The following TMEM178B variants were observed in gnomAD, a reference collection of about 807,000 sequenced individuals.
TMEM178B encodes transmembrane protein 178B.
Under a neutral mutation model 31.0 loss-of-function variants are expected in TMEM178B, and 5 were observed. The observed-to-expected ratio is 0.16, with a 90% CI of 0.08 to 0.34. The LOEUF is 0.34. Ranked by LOEUF, TMEM178B falls within the 10% of genes least tolerant of loss-of-function variation. The pLI is 1.00. For missense variants in TMEM178B, 275 were observed against 400.3 expected, an observed-to-expected ratio of 0.69 and a Z score of 2.67; for synonymous variants, 164 against 164.0, an observed-to-expected ratio of 1.00 and a Z score of 0.00.
intron 1 of TMEM178B, among the ~76,000 whole-genome samples, chr7:141,199,052 G>A (rs113887026): frequency 0.052 from 7,908 of 152,226 alleles, 639 homozygotes; most frequent in African/African-American, 0.17. Flanking sequence ...GGAAAAAGCA[G>A]CCAAAAACAC....
intron 2 of TMEM178B, among the ~76,000 whole-genome samples, chr7:141,348,958 G>A (rs561966455): frequency 1.1e-4 from 17 of 152,136 alleles, no homozygotes; most frequent in Non-Finnish European, 2.1e-4. Context: ...GCAGGGTATC[G>A]CTGATTGACA....
intron 2 of TMEM178B, among the ~76,000 whole-genome samples, chr7:141,426,374 C>T (rs1801316191): frequency 1.3e-5 from 2 of 152,156 alleles, no homozygotes; most frequent in Non-Finnish European, 2.9e-5. Flanking sequence ...GAGAGGGAGA[C>T]ATAAATAATT....
At chr7:141,259,652 C>T (rs747106676) in intron 2 of TMEM178B, among the ~76,000 whole-genome samples, 16 of 152,138 alleles carry the variant, frequency 1.1e-4, no homozygotes, top group African/African-American at 2.4e-4. Context: ...CCCGACAATA[C>T]GTAGCTACTA....
intron 2 of TMEM178B, among the ~76,000 whole-genome samples, chr7:141,309,216 T>C (rs941270635): frequency 2.6e-5 from 4 of 152,222 alleles, no homozygotes; most frequent in African/African-American, 9.6e-5. Flanking sequence ...CTCAAAGCTT[T>C]GTATGGTGTA....
chr7:141,402,347 C>T (rs1162202826), intron 2 of TMEM178B, among the ~76,000 whole-genome samples: 1 of 152,178 alleles, frequency 6.6e-6, no homozygotes, highest in Non-Finnish European at 1.5e-5. Flanking sequence ...TGGGTGTAGG[C>T]CCCCTTTGTG....
chr7:141,191,528 C>T (rs546741451), intron 1 of TMEM178B, among the ~76,000 whole-genome samples: 2 of 152,230 alleles, frequency 1.3e-5, no homozygotes, highest in African/African-American at 2.4e-5. Context: ...ACCTTGCTTC[C>T]GGGCCTTGGC....
At chr7:141,336,651 TATA>T (rs1164528822) in intron 2 of TMEM178B, among the ~76,000 whole-genome samples, 5 of 151,846 alleles carry the variant, frequency 3.3e-5, no homozygotes, top group Non-Finnish European at 5.9e-5. Context: ...TCAAAAATAA[TATA>T]ATTATATAAA....
intron 1 of TMEM178B, among the ~76,000 whole-genome samples, chr7:141,143,456 C>A (rs192781709): frequency 2.6e-5 from 4 of 152,314 alleles, no homozygotes; most frequent in African/African-American, 9.6e-5. Context: ...TATCCCAGCA[C>A]CACTTATTGA....
intron 2 of TMEM178B, among the ~76,000 whole-genome samples, chr7:141,295,201 G>A (rs572298309): frequency 1.3e-5 from 2 of 152,196 alleles, no homozygotes. Flanking sequence ...GGTGAAGAAG[G>A]TATCCAGATT....
chr7:141,186,630 A>G (rs1796613555), intron 1 of TMEM178B, among the ~76,000 whole-genome samples: 1 of 152,170 alleles, frequency 6.6e-6, no homozygotes, highest in African/African-American at 2.4e-5. Context: ...CACTTGAGAG[A>G]GGATTTGATC....
At position 141,461,234 on chromosome 7, in the gene TMEM178B, A is replaced by C. The variant is rs979021384; in HGVS notation, c.635-9302A>C. Among the ~76,000 whole-genome samples the C allele has an allele frequency of 7.6e-4, 115 of 152,296 alleles. No individual in the cohort carries two copies. The highest frequency in any genetic ancestry group is 2.7e-3 in the African/African-American group (113 of 41,566). ...GCTTCTTCTCTGACCTCCCTGATAC[A>C]CAGCCACGTGGGTGTTTCTGCAGAG... On this transcript the variant is annotated intron_variant, in intron 3 of 3. Transcript: ENST00000565468. The surrounding 1 kb of genome is among the most constrained non-coding windows in gnomAD (Gnocchi z 4.0).
intron 1 of TMEM178B, among the ~76,000 whole-genome samples, chr7:141,144,201 C>G (rs1351669542): frequency 6.6e-6 from 1 of 152,080 alleles, no homozygotes; most frequent in Non-Finnish European, 1.5e-5. Context: ...ATTTGGATGC[C>G]TTTTATTTCT....
chr7:141,457,272 A>G (rs1223956865), intron 3 of TMEM178B, among the ~76,000 whole-genome samples: 1 of 152,236 alleles, frequency 6.6e-6, no homozygotes, highest in African/African-American at 2.4e-5. Context: ...ACATGCTTTG[A>G]GACCTTCAGC....
chr7:141,418,347 A>G (rs991801971), intron 2 of TMEM178B, among the ~76,000 whole-genome samples: 1 of 152,112 alleles, frequency 6.6e-6, no homozygotes, highest in Non-Finnish European at 1.5e-5. Flanking sequence ...AGAGCCCTTG[A>G]CAAGGTCACA....
intron 2 of TMEM178B, among the ~76,000 whole-genome samples, chr7:141,419,760 C>G (rs1801169103): frequency 6.6e-6 from 1 of 152,168 alleles, no homozygotes; most frequent in African/African-American, 2.4e-5. Context: ...CTCTAGTCAT[C>G]AGGATGGAAA....
intron 2 of TMEM178B, among the ~76,000 whole-genome samples, chr7:141,319,043 T>G (rs1255265560): frequency 6.6e-6 from 1 of 152,156 alleles, no homozygotes; most frequent in Non-Finnish European, 1.5e-5. Flanking sequence ...CTAGCTGATC[T>G]CCAAAAAAGC....
chr7:141,090,958 C>T (rs1285425484), intron 1 of TMEM178B, among the ~76,000 whole-genome samples: 1 of 152,188 alleles, frequency 6.6e-6, no homozygotes, highest in East Asian at 1.9e-4. Flanking sequence ...GGGCACAGCC[C>T]ATTGCCACCT....
At chr7:141,122,706 T>G (rs1332857042) in intron 1 of TMEM178B, among the ~76,000 whole-genome samples, 2 of 152,216 alleles carry the variant, frequency 1.3e-5, no homozygotes, top group Non-Finnish European at 2.9e-5. Flanking sequence ...CATGATGGTA[T>G]GGGAGGAAAT....
intron 1 of TMEM178B, among the ~76,000 whole-genome samples, chr7:141,158,359 A>G (rs976545451): frequency 6.6e-6 from 1 of 152,040 alleles, no homozygotes; most frequent in Admixed American, 6.6e-5. Context: ...GCCTCCCAAA[A>G]TGCTGGGATT....
Sources: allele counts gnomAD v4.1 joint callset (sites outside exome capture counted in the v4.1 genomes callset), GRCh38; gene constraint gnomAD v4.1.1; non-coding constraint Gnocchi (gnomAD v3.1); transcripts MANE v1.5; gene names NCBI Gene and HGNC (gene_info 2026-07-23, HGNC 2026-07-21).